Variants in SEMA3E observed in about 807,000 individuals in gnomAD.
SEMA3E encodes semaphorin-3E.
SEMA3E carries 49 observed loss-of-function variants against 93.6 expected under a neutral mutation model. The observed-to-expected ratio is 0.52, with a 90% confidence interval of 0.42 to 0.66. The LOEUF (loss-of-function observed/expected upper bound fraction) is 0.66, where lower values mean the gene tolerates loss of function less well. Among genes scored for constraint, SEMA3E ranks in the 30% least tolerant of loss-of-function variants. The pLI is 0.00. For synonymous variants in SEMA3E, 363 were observed against 330.7 expected, an observed-to-expected ratio of 1.10 and a Z score of -1.06; for missense variants, 906 against 964.8, an observed-to-expected ratio of 0.94 and a Z score of 0.81.
chr7:83,466,727 G>T (rs1199291600), intron 3 of SEMA3E, 126 bp from the exon 4 acceptor site: 2 of 1,137,820 alleles, frequency 1.8e-6, no homozygotes, highest in Non-Finnish European at 1.3e-6. Context: ...GGTGAAGGAG[G>T]CAAGAGGGGT....
At position 83,648,593 on chromosome 7, in the gene SEMA3E, G is replaced by A. The variant is rs772218053; in HGVS notation, c.-51C>T. On this transcript the variant is annotated 5_prime_UTR_variant, in exon 1 of 17. Coordinates refer to ENST00000643230, the MANE Select transcript of SEMA3E (RefSeq NM_012431.3). ...TCGCTCCTCACTTTAAGGAGGGTCT[G>A]AGTTTTACTTAGGACTTCCCTCCAG... 2.1e-6 allele frequency: 3 copies of A among 1,399,062 alleles called. No homozygotes were observed. Among genetic ancestry groups the A allele is most frequent in the South Asian group, 2.3e-5 (2 of 85,564 alleles). 86.7% of individuals were successfully genotyped at this position (1,399,062 alleles called of 1,614,324 possible).
chr7:83,392,756 G>A lies in SEMA3E; in HGVS notation c.1501-35C>T, dbSNP rs778140399. On this transcript the variant is annotated intron_variant, in intron 13 of 16. Coordinates refer to ENST00000643230, the MANE Select transcript of SEMA3E (RefSeq NM_012431.3). ...TCAGAAAGAGGTCACTAGCAGAAAT[G>A]GACAAAACTTTCACTGAGCTATTAC... 2.2e-5 allele frequency: 35 copies of A among 1,601,548 alleles called. 1 individual carries two copies. The highest frequency in any genetic ancestry group is 3.4e-4 in the Middle Eastern group (2 of 5,856).
chr7:83,638,174 T>A (rs1259035419), intron 1 of SEMA3E, among the ~76,000 whole-genome samples: 1 of 152,200 alleles, frequency 6.6e-6, no homozygotes, highest in Non-Finnish European at 1.5e-5. Flanking sequence ...TGTTTTAATA[T>A]GTATATTGTG....
chr7:83,628,517 A>G (rs573874662), intron 1 of SEMA3E, among the ~76,000 whole-genome samples: 3 of 151,176 alleles, frequency 2.0e-5, no homozygotes, highest in African/African-American at 7.3e-5. Flanking sequence ...TCTTGTCTTC[A>G]TGCTTTATTT....
At chr7:83,570,544 C>G (rs1385660308) in intron 1 of SEMA3E, among the ~76,000 whole-genome samples, 1 of 53,530 alleles carries the variant, frequency 1.9e-5, no homozygotes, top group African/African-American at 2.0e-4. Flanking sequence ...CAGAGCGAGA[C>G]TCCGTCTCAA....
intron 1 of SEMA3E, among the ~76,000 whole-genome samples, chr7:83,602,620 G>A (rs1343289227): frequency 6.6e-6 from 1 of 152,036 alleles, no homozygotes; most frequent in Non-Finnish European, 1.5e-5. Context: ...TGGGACTACA[G>A]GCATGCGCCA....
At chr7:83,641,432 A>G in intron 1 of SEMA3E, 1 of 976,344 alleles carries the variant, frequency 1.0e-6, no homozygotes, top group Non-Finnish European at 1.2e-6. Context: ...TGTTTAGTTT[A>G]ACTTTAGGCA....
chr7:83,392,860 G>A, intron 13 of SEMA3E, 139 bp from the exon 14 acceptor site: 1 of 828,640 alleles, frequency 1.2e-6, no homozygotes, highest in South Asian at 1.5e-5. Flanking sequence ...GCAGTTTCAG[G>A]AGTTTGAGAC....
chr7:83,488,313 A>T (rs912637897), intron 2 of SEMA3E, among the ~76,000 whole-genome samples: 12 of 152,116 alleles, frequency 7.9e-5, no homozygotes, highest in Non-Finnish European at 4.4e-5. Context: ...CCTGGTAGAA[A>T]GTTCCACTGT....
chr7:83,458,986 T>C (rs149275414), intron 4 of SEMA3E, among the ~76,000 whole-genome samples: 14 of 144,298 alleles, frequency 9.7e-5, no homozygotes, highest in African/African-American at 3.5e-4. Flanking sequence ...TATATATATA[T>C]ACACACACTG....
intron 1 of SEMA3E, among the ~76,000 whole-genome samples, chr7:83,503,299 A>G (rs1352797647): frequency 6.6e-6 from 1 of 152,130 alleles, no homozygotes; most frequent in Non-Finnish European, 1.5e-5. Context: ...CTCAGATTGC[A>G]ACAGAAAATT....
chr7:83,459,196 A>G (rs1035892177), intron 4 of SEMA3E, among the ~76,000 whole-genome samples: 2 of 152,046 alleles, frequency 1.3e-5, no homozygotes, highest in Non-Finnish European at 1.5e-5. Flanking sequence ...ACAAAATCTT[A>G]AAAGATAAAG....
chr7:83,631,599 T>C (rs543963193), intron 1 of SEMA3E, among the ~76,000 whole-genome samples: 4 of 152,338 alleles, frequency 2.6e-5, no homozygotes, highest in African/African-American at 9.6e-5. Context: ...CCATATAGTC[T>C]TTGAATATAG....
intron 1 of SEMA3E, among the ~76,000 whole-genome samples, chr7:83,624,403 T>A (rs1584371990): frequency 6.6e-6 from 1 of 152,190 alleles, no homozygotes; most frequent in Admixed American, 6.5e-5. Context: ...CCTGACTTTT[T>A]AATGATCATC....
chr7:83,441,300 G>T (rs1789110782), intron 4 of SEMA3E, among the ~76,000 whole-genome samples: 1 of 151,966 alleles, frequency 6.6e-6, no homozygotes, highest in East Asian at 1.9e-4. Context: ...TGAAAGGACG[G>T]GTTTTTAAGA....
chr7:83,378,557 CA>C (rs1787708312), intron 16 of SEMA3E, among the ~76,000 whole-genome samples: 2 of 151,922 alleles, frequency 1.3e-5, no homozygotes, highest in African/African-American at 4.8e-5. Context: ...AACAGAGCAC[CA>C]TTCATCACTT....
chr7:83,515,428 A>G (rs1790906358), intron 1 of SEMA3E, among the ~76,000 whole-genome samples: 1 of 152,176 alleles, frequency 6.6e-6, no homozygotes, highest in South Asian at 2.1e-4. Flanking sequence ...AAATTAGCAG[A>G]AAATGATACT....
At chr7:83,439,804 ATT>A (rs931177219) in intron 4 of SEMA3E, among the ~76,000 whole-genome samples, 1 of 152,160 alleles carries the variant, frequency 6.6e-6, no homozygotes, top group African/African-American at 2.4e-5. Flanking sequence ...TCCTTAACGT[ATT>A]TTCTTTTCTT....
At chr7:83,402,929 C>G (rs1006793194) in intron 9 of SEMA3E, among the ~76,000 whole-genome samples, 153 bp from the exon 10 acceptor site, 4 of 151,930 alleles carry the variant, frequency 2.6e-5, no homozygotes, top group African/African-American at 9.7e-5. Context: ...TTAATTATTG[C>G]AATATTTCCA....
Sources: gnomAD v4.1 joint callset for allele counts (sites outside exome capture counted in the v4.1 genomes callset) on GRCh38, gnomAD v4.1.1 for gene constraint, MANE v1.5 for transcripts, NCBI Gene and HGNC (gene_info 2026-07-23, HGNC 2026-07-21) for gene names.